The following SYT1 variants were observed in gnomAD, a reference collection of about 807,000 sequenced individuals.
SYT1 encodes synaptotagmin 1, also known as synaptotagmin-1.
SYT1 carries 8 observed loss-of-function variants against 44.8 expected under a neutral mutation model. That is an observed-to-expected ratio of 0.18 (90% CI 0.10 to 0.32). The LOEUF is 0.32. Ranked by LOEUF, SYT1 falls within the 10% of genes least tolerant of loss-of-function variation. The pLI, the probability that SYT1 is intolerant of heterozygous loss-of-function variation, is 1.00. For synonymous variants in SYT1, 154 were observed against 188.8 expected (o/e 0.82, Z 1.51); for missense variants, 286 against 509.3 (o/e 0.56, Z 4.22).
intron 8 of SYT1, among the ~76,000 whole-genome samples, chr12:79,334,947 T>C (rs573316934): frequency 3.0e-4 from 46 of 152,172 alleles, no homozygotes; most frequent in Non-Finnish European, 5.4e-4. Context: ...AGCTGGTCTT[T>C]TTTATTTCTC....
At chr12:79,413,985 C>A (rs1014496474) in intron 9 of SYT1, among the ~76,000 whole-genome samples, 1 of 152,076 alleles carries the variant, frequency 6.6e-6, no homozygotes, top group Non-Finnish European at 1.5e-5. Flanking sequence ...ACAATTTAGG[C>A]TGGGACTGCT....
intron 9 of SYT1, among the ~76,000 whole-genome samples, chr12:79,423,872 C>T (rs1005871265): frequency 3.0e-4 from 46 of 151,834 alleles, no homozygotes; most frequent in African/African-American, 1.1e-3. Flanking sequence ...TCCCAAGATA[C>T]CGGCTCTGGG....
intron 3 of SYT1, among the ~76,000 whole-genome samples, chr12:79,114,779 C>A (rs575157604): frequency 8.3e-4 from 126 of 152,192 alleles, no homozygotes; most frequent in Non-Finnish European, 1.3e-3. Flanking sequence ...GAGGAGAAGA[C>A]CCCCCAGATT....
In SYT1 at chr12:79,314,049, G is replaced by T. The variant is rs543844062; in HGVS notation, c.810+14498G>T. Among the ~76,000 whole-genome samples, 24 of 150,370 alleles carry T rather than the reference G, an allele frequency of 1.6e-4. 2 individuals carry two copies. The highest frequency in any genetic ancestry group is 4.6e-4 in the Admixed American group (7 of 15,116). On this transcript the variant is annotated intron_variant, in intron 8 of 10. Transcript: ENST00000261205. Reference sequence around the variant, plus strand: ...CCGGGCGTGGTAGCGGGCGCCTGTAGTCCCAGCTACTCGGGAGGCTGAGGC... The same window carrying T: ...CCGGGCGTGGTAGCGGGCGCCTGTATTCCCAGCTACTCGGGAGGCTGAGGC...
intron 8 of SYT1, among the ~76,000 whole-genome samples, chr12:79,324,229 C>T (rs983743111): frequency 1.3e-5 from 2 of 151,996 alleles, no homozygotes; most frequent in Admixed American, 1.3e-4. Context: ...GGATTACAGG[C>T]GTGAGCCACC....
chr12:79,006,941 T>TG lies in SYT1; in HGVS notation c.-84+29010_-84+29011insG, dbSNP rs533640247. On this transcript the variant is annotated intron_variant, in intron 2 of 10. Coordinates refer to ENST00000261205, the MANE Select transcript of SYT1 (RefSeq NM_005639.3). ...CTCCTGATATTTCTTGCTTTGTAAATTTTTTCCAGCCACTAGCAGAGTTCT... is the reference window on the plus strand; with the variant it reads ...CTCCTGATATTTCTTGCTTTGTAAATGTTTTTCCAGCCACTAGCAGAGTTCT... 2.2e-3 allele frequency among the ~76,000 whole-genome samples: 331 copies of TG among 152,258 alleles called. 4 individuals are homozygous for TG. Among genetic ancestry groups the TG allele is most frequent in the African/African-American group, 7.8e-3 (323 of 41,552 alleles).
intron 9 of SYT1, among the ~76,000 whole-genome samples, chr12:79,424,397 G>C (rs906268342): frequency 6.6e-6 from 1 of 152,096 alleles, no homozygotes; most frequent in Non-Finnish European, 1.5e-5. Context: ...GTGTGGATTT[G>C]TTCATTATTT....
At chr12:79,145,058 C>T (rs1869791104) in intron 3 of SYT1, among the ~76,000 whole-genome samples, 1 of 152,148 alleles carries the variant, frequency 6.6e-6, no homozygotes, top group African/African-American at 2.4e-5. Context: ...TAAAGAACAT[C>T]ACTTTACTCC....
At chr12:79,232,342 A>G (rs1875919315) in intron 4 of SYT1, among the ~76,000 whole-genome samples, 1 of 152,258 alleles carries the variant, frequency 6.6e-6, no homozygotes, top group Non-Finnish European at 1.5e-5. Flanking sequence ...AAAATGTCTT[A>G]GCAGGACAGC....
chr12:79,341,471 G>A (rs1443828175), intron 8 of SYT1: 1 of 152,004 alleles, frequency 6.6e-6, no homozygotes, highest in Non-Finnish European at 1.5e-5. Flanking sequence ...CTGGGTCTAG[G>A]AGTGGTGCAC....
chr12:79,209,177 A>T (rs983178977), intron 3 of SYT1, among the ~76,000 whole-genome samples: 4 of 152,208 alleles, frequency 2.6e-5, no homozygotes, highest in African/African-American at 9.6e-5. Context: ...AAGAGAAATT[A>T]TGTTTGAACT....
intron 3 of SYT1, among the ~76,000 whole-genome samples, chr12:79,137,633 T>A (rs12316871): frequency 0.11 from 17,439 of 152,208 alleles, 1,460 homozygotes; most frequent in African/African-American, 0.24. Flanking sequence ...CCTTTGAAAA[T>A]ATTAAAAATT....
At chr12:79,400,073 A>T (rs1400149844) in intron 9 of SYT1, among the ~76,000 whole-genome samples, 1 of 152,216 alleles carries the variant, frequency 6.6e-6, no homozygotes, top group Non-Finnish European at 1.5e-5. Flanking sequence ...ACTGGAATAT[A>T]CCTAGTCCTA....
chr12:79,137,864 A>G (rs1263169853), intron 3 of SYT1, among the ~76,000 whole-genome samples: 1 of 152,114 alleles, frequency 6.6e-6, no homozygotes, highest in Non-Finnish European at 1.5e-5. Context: ...TTGTATTGAC[A>G]GTGGATATTT....
Position 79,226,968 on chromosome 12 carries a change from CGGGT to C in SYT1, c.166+9284_166+9287del. Among the ~76,000 whole-genome samples the C allele has an allele frequency of 2.0e-5, 3 of 152,174 alleles. No homozygotes were observed. In the South Asian group the frequency reaches 6.2e-4, roughly 32 times the overall value. On this transcript the variant is annotated intron_variant, in intron 4 of 10. Coordinates refer to ENST00000261205, the MANE Select transcript of SYT1 (RefSeq NM_005639.3). Reference sequence around the variant, plus strand: ...GCATAACATACTGTGATGCTAATGACGGGTAACAAATTAGAATATTAATTGATTT... The same window carrying C: ...GCATAACATACTGTGATGCTAATGACAACAAATTAGAATATTAATTGATTT...
At chr12:78,987,603 C>T (rs1020147416) in intron 2 of SYT1, among the ~76,000 whole-genome samples, 1 of 152,000 alleles carries the variant, frequency 6.6e-6, no homozygotes, top group Non-Finnish European at 1.5e-5. Flanking sequence ...CCTCTCTTTA[C>T]TGGAATATGA....
At chr12:79,088,738 C>CTGTGTGTGTG (rs571903732) in intron 3 of SYT1, among the ~76,000 whole-genome samples, 16 of 137,262 alleles carry the variant, frequency 1.2e-4, no homozygotes, top group East Asian at 1.1e-3. Context: ...GGCTTTGGGC[C>CTGTGTGTGTG]TGTGTGTGTG....
chr12:78,933,077 T>A (rs2895691), intron 1 of SYT1, among the ~76,000 whole-genome samples: 13,825 of 152,176 alleles, frequency 0.091, 725 homozygotes, highest in East Asian at 0.18. Flanking sequence ...GCAGTCAAGT[T>A]GAGTAATATT....
At chr12:78,951,673 A>G (rs1878974220) in intron 1 of SYT1, among the ~76,000 whole-genome samples, 1 of 152,160 alleles carries the variant, frequency 6.6e-6, no homozygotes, top group Admixed American at 6.6e-5. Context: ...AGTAATTTAA[A>G]ACTCTCCTAG....
Sources: allele counts gnomAD v4.1 joint callset (sites outside exome capture counted in the v4.1 genomes callset), GRCh38; gene constraint gnomAD v4.1.1; transcripts MANE v1.5; gene names NCBI Gene and HGNC (gene_info 2026-07-23, HGNC 2026-07-21).